Variants in CPN1 observed in about 807,000 individuals in gnomAD.
CPN1 encodes carboxypeptidase N catalytic chain.
CPN1 carries 37 observed loss-of-function variants against 46.4 expected under a neutral mutation model. The ratio of observed to expected loss-of-function variants is 0.80; its 90% CI spans 0.61 to 1.05. CPN1 has a LOEUF of 1.05. Ranked by LOEUF, CPN1 falls within the 50% of genes least tolerant of loss-of-function variation. The pLI, the probability that CPN1 is intolerant of heterozygous loss-of-function variation, is 0.00. For synonymous variants in CPN1, 224 were observed against 235.4 expected, an observed-to-expected ratio of 0.95 and a Z score of 0.44; for missense variants, 563 against 602.6, an observed-to-expected ratio of 0.93 and a Z score of 0.69.
chr10:100,042,954 T>A (rs907019235), intron 8 of CPN1, among the ~76,000 whole-genome samples: 1 of 151,602 alleles, frequency 6.6e-6, no homozygotes, highest in African/African-American at 2.4e-5. Context: ...ATTAGCCAGG[T>A]GTGGTGGTGC....
intron 3 of CPN1, among the ~76,000 whole-genome samples, chr10:100,069,280 G>A (rs2041471378): frequency 6.6e-6 from 1 of 152,088 alleles, no homozygotes; most frequent in Admixed American, 6.6e-5. Context: ...TCAGGAGTTT[G>A]AGACCAGCCT....
intron 7 of CPN1, 140 bp downstream of exon 7, chr10:100,054,207 T>C (rs1398354326): frequency 1.4e-6 from 1 of 711,734 alleles, no homozygotes; most frequent in Non-Finnish European, 2.6e-6. Context: ...TTCATTGCCC[T>C]TCTTTCCTCC....
Position 100,042,444 on chromosome 10 carries a change from G to GCAGCTGCCTCATCTCCATTTCTTT in CPN1, c.1336_1359dup (p.Lys446_Leu453dup). ...TGTGGGTTTCAGGCAGGGCCTCTCT[G>GCAGCTGCCTCATCTCCATTTCTTT]CAGCTGCCTCATCTCCATTTCTTTC... On this transcript the variant is annotated inframe_insertion, in exon 9 of 9. Transcript: ENST00000370418. 1 of 1,613,388 alleles carries GCAGCTGCCTCATCTCCATTTCTTT rather than the reference G, an allele frequency of 6.2e-7. No homozygotes were observed. Among genetic ancestry groups the GCAGCTGCCTCATCTCCATTTCTTT allele is most frequent in the Non-Finnish European group, 8.5e-7 (1 of 1,180,010 alleles).
chr10:100,074,706 C>T (rs1399360454), intron 2 of CPN1, among the ~76,000 whole-genome samples: 1 of 152,078 alleles, frequency 6.6e-6, no homozygotes, highest in Non-Finnish European at 1.5e-5. Flanking sequence ...CATGAGCCAC[C>T]ACGCCCGGCC....
chr10:100,056,385 C>T (rs1203840402), intron 6 of CPN1, among the ~76,000 whole-genome samples: 1 of 152,132 alleles, frequency 6.6e-6, no homozygotes, highest in Non-Finnish European at 1.5e-5. Flanking sequence ...ATGTCACCTC[C>T]TCTGTAAGAC....
chr10:100,073,610 CTTTTTTTTTTT>C (rs748410671), intron 2 of CPN1, among the ~76,000 whole-genome samples: 1 of 122,454 alleles, frequency 8.2e-6, no homozygotes. Context: ...GCTCTTCCAT[CTTTTTTTTTTT>C]TTTTTTTTTT....
intron 2 of CPN1, among the ~76,000 whole-genome samples, chr10:100,075,355 G>A (rs1353759153): frequency 6.6e-6 from 1 of 152,088 alleles, no homozygotes; most frequent in Non-Finnish European, 1.5e-5. Context: ...CTAAAATATA[G>A]AATCAATAGA....
intron 7 of CPN1, among the ~76,000 whole-genome samples, chr10:100,050,484 G>A (rs995286147): frequency 2.4e-4 from 36 of 152,174 alleles, no homozygotes; most frequent in Middle Eastern, 3.2e-3. Flanking sequence ...GAAAGGCCAC[G>A]CAGATGTACA....
chr10:100,075,997 G>C lies in CPN1; in HGVS notation c.334C>G (p.Gln112Glu), dbSNP rs1037401752. Reference sequence around the variant, plus strand: ...TCCTGGATGAGCTGGACGATGCGCTGGTTCCTGTTCCGGAACTCCTCGCAC... The same window carrying C: ...TCCTGGATGAGCTGGACGATGCGCTCGTTCCTGTTCCGGAACTCCTCGCAC... ...FLCEEFRNRN[Q>E]RIVQLIQDTR... is the part of the protein sequence containing the mutation. The change falls in exon 2 of 9, where the codon CAG becomes GAG. Residue 112 changes from glutamine to glutamate, a missense_variant. Transcript: ENST00000370418. 3 of 1,614,142 alleles carry C rather than the reference G, an allele frequency of 1.9e-6. No homozygotes were observed. In the Admixed American group the frequency reaches 5.0e-5, roughly 27 times the overall value.
chr10:100,065,952 T>G (rs993325494), intron 3 of CPN1, among the ~76,000 whole-genome samples: 5 of 148,856 alleles, frequency 3.4e-5, no homozygotes, highest in African/African-American at 1.2e-4. Flanking sequence ...AGAGAGAAGT[T>G]TTTTTTTTTG....
chr10:100,045,654 C>T (rs985346287), intron 8 of CPN1, among the ~76,000 whole-genome samples: 4 of 152,222 alleles, frequency 2.6e-5, no homozygotes, highest in Non-Finnish European at 4.4e-5. Flanking sequence ...TCCTGACTCC[C>T]ACCACTTGCT....
intron 7 of CPN1, among the ~76,000 whole-genome samples, chr10:100,051,716 A>G (rs1355699351): frequency 2.6e-5 from 4 of 151,524 alleles, no homozygotes; most frequent in Non-Finnish European, 5.9e-5. Flanking sequence ...TTTAGTAGAG[A>G]CGGGGTTTTA....
intron 7 of CPN1, among the ~76,000 whole-genome samples, chr10:100,051,021 C>A (rs908202858): frequency 3.3e-5 from 5 of 151,946 alleles, no homozygotes; most frequent in African/African-American, 4.8e-5. Context: ...CGAGACTCTG[C>A]CTCAAAAAAC....
At chr10:100,053,448 A>C (rs911310520) in intron 7 of CPN1, among the ~76,000 whole-genome samples, 2 of 151,878 alleles carry the variant, frequency 1.3e-5, no homozygotes, top group Non-Finnish European at 2.9e-5. Context: ...ACATGGTGAA[A>C]CCCCATCTCT....
chr10:100,061,128 CA>C (rs1564773452), intron 5 of CPN1, among the ~76,000 whole-genome samples: 1 of 151,750 alleles, frequency 6.6e-6, no homozygotes, highest in Non-Finnish European at 1.5e-5. Flanking sequence ...TTAATAGATA[CA>C]AAAAATAGTT....
chr10:100,054,721 G>GA (rs941663964), intron 6 of CPN1, among the ~76,000 whole-genome samples: 4 of 151,970 alleles, frequency 2.6e-5, no homozygotes, highest in African/African-American at 9.7e-5. Context: ...AAGTTCTTGT[G>GA]ATGGTCTGTC....
chr10:100,056,843 C>T lies in CPN1; in HGVS notation c.1011+170G>A, dbSNP rs1387449871. On this transcript the variant is annotated intron_variant, in intron 6 of 8. Coordinates refer to ENST00000370418, the MANE Select transcript of CPN1 (RefSeq NM_001308.3). ...CCGGGATTACAGGTGAGAACCACTG[C>T]GTTCAGCTGCTCAATAATGTTGAAT... Among the ~76,000 whole-genome samples, 3 of 152,054 alleles carry T rather than the reference C, an allele frequency of 2.0e-5. No individual in the cohort carries two copies. The East Asian group carries it at 5.8e-4, about 29-fold the overall frequency.
At chr10:100,071,695 A>T (rs2041486484) in intron 2 of CPN1, among the ~76,000 whole-genome samples, 1 of 152,246 alleles carries the variant, frequency 6.6e-6, no homozygotes, top group African/African-American at 2.4e-5. Flanking sequence ...GAATATGTAC[A>T]TACTTTTTTC....
intron 3 of CPN1, among the ~76,000 whole-genome samples, chr10:100,066,300 G>C (rs372038146): frequency 1.3e-5 from 2 of 152,176 alleles, no homozygotes; most frequent in South Asian, 4.1e-4. Flanking sequence ...AGAGCTCAGA[G>C]CCCCAACTTG....
Sources: gnomAD v4.1 joint callset for allele counts (sites outside exome capture counted in the v4.1 genomes callset) on GRCh38, gnomAD v4.1.1 for gene constraint, MANE v1.5 for transcripts, NCBI Gene and HGNC (gene_info 2026-07-23, HGNC 2026-07-21) for gene names.